The following TRIM9 variants were observed in gnomAD, a reference collection of about 807,000 sequenced individuals.
TRIM9 encodes the protein tripartite motif containing 9.
In TRIM9, 26 loss-of-function variants were observed where a neutral mutation model predicts 78.3. The ratio of observed to expected loss-of-function variants is 0.33; its 90% CI spans 0.24 to 0.46. The LOEUF (loss-of-function observed/expected upper bound fraction) is 0.46. TRIM9 is among the 20% of genes least tolerant of loss of function. The pLI is 1.00. For missense variants in TRIM9, 787 were observed against 1,036.4 expected (o/e 0.76, Z 3.30); for synonymous variants, 398 against 416.5 (o/e 0.96, Z 0.54).
intron 7 of TRIM9, chr14:50,997,815 G>C: frequency 7.2e-7 from 1 of 1,379,522 alleles, no homozygotes; most frequent in East Asian, 2.5e-5. Context: ...TGTTATCAAA[G>C]GAAGCCGCCG....
chr14:51,009,297 C>T, intron 4 of TRIM9, 64 bp from the exon 5 acceptor site: 6 of 1,589,208 alleles, frequency 3.8e-6, no homozygotes, highest in Non-Finnish European at 5.1e-6. Context: ...ACAACACTGC[C>T]CCTTGGCTCT....
chr14:51,004,320 G>A (rs369284873), intron 5 of TRIM9, among the ~76,000 whole-genome samples: 17 of 152,280 alleles, frequency 1.1e-4, no homozygotes, highest in South Asian at 4.1e-4. Context: ...GAGGTCTGGC[G>A]GAGCTGTGGT....
intron 1 of TRIM9, among the ~76,000 whole-genome samples, chr14:51,043,501 C>T (rs762027076): frequency 7.9e-5 from 12 of 152,240 alleles, no homozygotes; most frequent in Admixed American, 3.9e-4. Context: ...GCAGTTCTAT[C>T]TACAGCCTAT....
chr14:51,064,881 T>C (rs897592674), intron 1 of TRIM9, among the ~76,000 whole-genome samples: 1 of 152,118 alleles, frequency 6.6e-6, no homozygotes, highest in African/African-American at 2.4e-5. Flanking sequence ...TCATAAATTA[T>C]ATCATAAATC....
chr14:51,085,455 G>A (rs4898681), intron 1 of TRIM9, among the ~76,000 whole-genome samples: 18,265 of 152,240 alleles, frequency 0.12, 1,525 homozygotes, highest in Admixed American at 0.25. Context: ...TTATTTGGCA[G>A]TGTTTAAATC....
intron 1 of TRIM9, among the ~76,000 whole-genome samples, chr14:51,039,723 A>G (rs1347153490): frequency 1.3e-5 from 2 of 151,212 alleles, no homozygotes; most frequent in Admixed American, 6.6e-5. Context: ...TCAGATTTGT[A>G]TATTTTATTA....
chr14:50,987,529 T>C lies in TRIM9; in HGVS notation c.1604-1385A>G, dbSNP rs142001037. Among the ~76,000 whole-genome samples, 30 of 152,368 alleles carry C rather than the reference T, an allele frequency of 2.0e-4. No homozygotes were observed. The East Asian group carries it at 4.8e-3, about 24-fold the overall frequency. On this transcript the variant is annotated intron_variant, in intron 7 of 12. Transcript: ENST00000684578. ...ATTGCTATTTATGGAGTCAAGACTT[T>C]GTGTTCCCACTAAGAATACATTTTT...
chr14:51,079,227 C>G (rs1263634092), intron 1 of TRIM9, among the ~76,000 whole-genome samples: 1 of 152,132 alleles, frequency 6.6e-6, no homozygotes, highest in East Asian at 1.9e-4. Flanking sequence ...GAGAGTGAAA[C>G]TATAATAATA....
intron 2 of TRIM9, among the ~76,000 whole-genome samples, chr14:51,024,006 TA>T (rs2058000873): frequency 2.0e-5 from 3 of 152,236 alleles, no homozygotes; most frequent in Non-Finnish European, 4.4e-5. Context: ...AAGGTCTTCG[TA>T]TAAGGAATGC....
At chr14:51,064,488 A>T (rs2061589168) in intron 1 of TRIM9, among the ~76,000 whole-genome samples, 1 of 142,264 alleles carries the variant, frequency 7.0e-6, no homozygotes, top group African/African-American at 2.6e-5. Context: ...TGTATTTTAA[A>T]TATAAAGAAT....
chr14:51,080,530 AAAT>A (rs1291340404), intron 1 of TRIM9, among the ~76,000 whole-genome samples: 1 of 150,920 alleles, frequency 6.6e-6, no homozygotes, highest in Non-Finnish European at 1.5e-5. Context: ...TTCTTAATGT[AAAT>A]AATAAAAAAA....
chr14:51,073,811 GT>G (rs1189720119), intron 1 of TRIM9, among the ~76,000 whole-genome samples: 1 of 152,006 alleles, frequency 6.6e-6, no homozygotes, highest in African/African-American at 2.4e-5. Flanking sequence ...TATCTTTTTT[GT>G]TGTTTTTTGC....
chr14:51,092,886 G>A (rs1008279082), intron 1 of TRIM9, among the ~76,000 whole-genome samples: 1 of 152,160 alleles, frequency 6.6e-6, no homozygotes, highest in Non-Finnish European at 1.5e-5. Flanking sequence ...ACTAGCGGGT[G>A]TCTGGGTGGG....
chr14:51,066,024 C>T (rs542212381), intron 1 of TRIM9, among the ~76,000 whole-genome samples: 70 of 147,722 alleles, frequency 4.7e-4, no homozygotes, highest in African/African-American at 1.7e-3. Context: ...TTTTCATTGG[C>T]GTGCAAGCAG....
At chr14:51,043,824 G>T (rs1286847007) in intron 1 of TRIM9, among the ~76,000 whole-genome samples, 3 of 145,726 alleles carry the variant, frequency 2.1e-5, no homozygotes, top group African/African-American at 7.4e-5. Flanking sequence ...CAGTGGTCCT[G>T]TTTGGTTTAA....
intron 1 of TRIM9, among the ~76,000 whole-genome samples, chr14:51,077,937 A>G (rs61987470): frequency 1.3e-5 from 2 of 152,264 alleles, no homozygotes; most frequent in African/African-American, 2.4e-5. Flanking sequence ...GGCATATAAA[A>G]GCGTTTTGGT....
intron 1 of TRIM9, among the ~76,000 whole-genome samples, chr14:51,092,050 C>T (rs1292965046): frequency 6.6e-6 from 1 of 152,080 alleles, no homozygotes; most frequent in African/African-American, 2.4e-5. Flanking sequence ...AATTCTTTTT[C>T]CTGACAGAGT....
chr14:51,086,631 T>C (rs546790733), intron 1 of TRIM9, among the ~76,000 whole-genome samples: 3 of 152,326 alleles, frequency 2.0e-5, no homozygotes, highest in Admixed American at 2.0e-4. Context: ...CAGTGGAAGA[T>C]TTCTCACAGA....
At chr14:51,056,467 C>T in intron 1 of TRIM9, among the ~76,000 whole-genome samples, 1 of 152,134 alleles carries the variant, frequency 6.6e-6, no homozygotes, top group East Asian at 1.9e-4. Flanking sequence ...GGCAGATATG[C>T]TATACTCTAG....
Sources: allele counts gnomAD v4.1 joint callset (sites outside exome capture counted in the v4.1 genomes callset), GRCh38; gene constraint gnomAD v4.1.1; transcripts MANE v1.5; gene names NCBI Gene and HGNC (gene_info 2026-07-23, HGNC 2026-07-21).